NHSL2: variants seen among roughly 807,000 people sequenced by gnomAD.
The protein encoded by NHSL2 is NHS-like protein 2.
In NHSL2, 27 loss-of-function variants were observed where a neutral mutation model predicts 53.4. The observed-to-expected ratio is 0.51, with a 90% confidence interval of 0.37 to 0.70. NHSL2 has a LOEUF of 0.70. Among genes scored for constraint, NHSL2 ranks in the 30% least tolerant of loss-of-function variants. The probability of loss-of-function intolerance (pLI) is 0.00; values close to 1 mark genes in which losing one functional copy is unlikely to be tolerated. For synonymous variants in NHSL2, 408 were observed against 404.1 expected, an observed-to-expected ratio of 1.01 and a Z score of -0.12; for missense variants, 892 against 980.1, an observed-to-expected ratio of 0.91 and a Z score of 1.20.
At chrX:71,933,186 T>C (rs767346212) in intron 1 of NHSL2, among the ~76,000 whole-genome samples, 4 of 111,126 alleles carry the variant, frequency 3.6e-5, no homozygotes, top group Non-Finnish European at 5.7e-5. Flanking sequence ...CTGGATTTGT[T>C]GTTTGTGCAC....
rs1199253130 is a variant in NHSL2 at position 72,138,293 on chromosome X, C to T, written c.893-148C>T. The T allele has an allele frequency of 6.6e-6, 3 of 452,252 alleles. No homozygotes were observed. In the African/African-American group the frequency reaches 7.3e-5, roughly 11 times the overall value. 37.3% of individuals were successfully genotyped at this position (452,252 alleles called of 1,213,427 possible). ...ATGGGCAAGGACCCAATTTCCCCAG[C>T]ATCTTCATCCATGGAAGGGAAGAAC... On this transcript the variant is annotated intron_variant, in intron 5 of 7. Transcript: ENST00000633930.
At chrX:72,142,402 T>G in intron 7 of NHSL2, 38 bp downstream of exon 7, 1 of 1,031,370 alleles carries the variant, frequency 9.7e-7, no homozygotes, top group Non-Finnish European at 1.3e-6. Flanking sequence ...TGCAATTGCC[T>G]TCCCTTTTTG....
At chrX:72,084,137 C>G (rs1182030981) in intron 1 of NHSL2, among the ~76,000 whole-genome samples, 1 of 112,480 alleles carries the variant, frequency 8.9e-6, no homozygotes, top group Non-Finnish European at 1.9e-5. Flanking sequence ...ACATTCCCAT[C>G]ATTCACTTAC....
Position 72,140,237 on chromosome X carries a change from C to T in NHSL2, c.2689C>T (p.Leu897=). 1 of 1,210,137 alleles carries T rather than the reference C, an allele frequency of 8.3e-7. No homozygotes were observed. The highest frequency in any genetic ancestry group is 1.7e-5 in the African/African-American group (1 of 57,661). Residue 897 remains leucine, a synonymous_variant, in exon 6 of 8, where the codon CTA becomes TTA. Coordinates refer to ENST00000633930, the MANE Select transcript of NHSL2 (RefSeq NM_001013627.3). Reference sequence around the variant, plus strand: ...ACCATCTGTTCCTGAGGAGTATGCACTAACTTCACCAACCTTGGCTATGCC... The same window carrying T: ...ACCATCTGTTCCTGAGGAGTATGCATTAACTTCACCAACCTTGGCTATGCC... ...KPPSVPEEYA[L]TSPTLAMPPR...
At chrX:72,093,755 TTTCTTTCTTTC>T (rs1439512114) in intron 1 of NHSL2, among the ~76,000 whole-genome samples, 1 of 108,060 alleles carries the variant, frequency 9.3e-6, no homozygotes, top group Non-Finnish European at 1.9e-5. Context: ...TCTTTCTTTC[TTTCTTTCTTTC>T]TTTCTTTCTT....
At chrX:71,915,251 G>A (rs1337512727) in intron 1 of NHSL2, among the ~76,000 whole-genome samples, 2 of 112,154 alleles carry the variant, frequency 1.8e-5, no homozygotes, top group Admixed American at 9.4e-5. Context: ...GAAGATTCAA[G>A]TTATGGCTCT....
intron 1 of NHSL2, among the ~76,000 whole-genome samples, chrX:71,932,451 C>T (rs1403842803): frequency 9.0e-6 from 1 of 111,075 alleles, no homozygotes; most frequent in Non-Finnish European, 1.9e-5. Flanking sequence ...AATGCTCACT[C>T]TGGCTGCTGT....
At chrX:71,942,970 C>G (rs199589556) in intron 1 of NHSL2, among the ~76,000 whole-genome samples, 15 of 17,085 alleles carry the variant, frequency 8.8e-4, no homozygotes, top group African/African-American at 2.1e-3. Flanking sequence ...CTCTCTCTCT[C>G]TCTGTGTGTG....
chrX:72,062,818 T>C (rs2042406262), intron 1 of NHSL2, among the ~76,000 whole-genome samples: 1 of 112,622 alleles, frequency 8.9e-6, no homozygotes, highest in South Asian at 3.7e-4. Context: ...GTGTCCTCTG[T>C]AACCAGAATA....
Position 72,139,731 on chromosome X carries a change from T to C in NHSL2, c.2183T>C (p.Met728Thr), listed in dbSNP as rs1365804160. 2.1e-5 allele frequency: 25 copies of C among 1,208,480 alleles called. No individual in the cohort carries two copies. Among genetic ancestry groups the C allele is most frequent in the South Asian group, 8.8e-5 (5 of 56,675 alleles). ...QSETPTPTVS[M>T]SLTLGHLPPP... is the part of the protein sequence containing the mutation. ...GAAACACCAACACCCACTGTTTCCA[T>C]GTCCCTGACCCTGGGCCACTTACCC... The change falls in exon 6 of 8, where the codon ATG becomes ACG. Residue 728 changes from methionine (M) to threonine (T), a missense_variant. Met to Thr is a moderately conservative substitution (Grantham distance 81). Transcript: ENST00000633930.
intron 1 of NHSL2, among the ~76,000 whole-genome samples, chrX:71,970,039 C>T (rs1461500914): frequency 8.9e-6 from 1 of 111,865 alleles, no homozygotes; most frequent in African/African-American, 3.3e-5. Context: ...GTGGTTTTGG[C>T]CCTTTATTCT....
intron 1 of NHSL2, among the ~76,000 whole-genome samples, chrX:72,015,619 A>G (rs2042132546): frequency 8.9e-6 from 1 of 112,364 alleles, no homozygotes; most frequent in African/African-American, 3.2e-5. Context: ...GCAGTGTATG[A>G]GAGTAGCAGT....
chrX:71,988,781 C>T (rs2042014054), intron 1 of NHSL2, among the ~76,000 whole-genome samples: 1 of 111,171 alleles, frequency 9.0e-6, no homozygotes, highest in African/African-American at 3.3e-5. Context: ...GTTCTTGGAT[C>T]TCGCGCAAGA....
intron 1 of NHSL2, among the ~76,000 whole-genome samples, chrX:71,989,981 T>A (rs2042020343): frequency 8.9e-6 from 1 of 112,689 alleles, no homozygotes; most frequent in South Asian, 3.7e-4. Flanking sequence ...GCATGCTGCC[T>A]TTGATTTGAG....
rs377167137 is a variant in NHSL2, at chrX:72,140,419, T to A, written c.2871T>A (p.Asp957Glu). The A allele has an allele frequency of 2.1e-5, 25 of 1,208,218 alleles. No homozygotes were observed. In the African/African-American group the frequency reaches 3.9e-4, roughly 19 times the overall value. ...LVFTPFASSS[D>E]AFFSGTQQPP... ...TCACGCCTTTTGCCAGTTCCTCTGA[T>A]GCTTTCTTCTCAGGAACACAGCAGC... The change falls in exon 6 of 8, where the codon GAT (aspartate) becomes GAA (glutamate). Residue 957 changes from aspartate (D) to glutamate (E), a missense_variant. Asp to Glu is a conservative substitution (Grantham distance 45, BLOSUM62 2). Transcript: ENST00000633930.
Position 72,148,362 on chromosome X carries a change from G to T in NHSL2, c.*4788G>T, listed in dbSNP as rs1326310711. 2 of 111,310 alleles carry T rather than the reference G, an allele frequency of 1.8e-5. No individual in the cohort carries two copies. The highest frequency in any genetic ancestry group is 5.7e-4 in the East Asian group (2 of 3,529). The allele number at this position is 111,310 out of a possible 1,213,427, so 9.2% of individuals were successfully genotyped here. A position where few individuals can be genotyped will look rare whatever the true frequency, so the allele number is the denominator to read the frequency against. Reference sequence around the variant, plus strand: ...AATAAGCTTACCTTTACAAGCTTCTGCTTTCCCTGCTTCATCTCTGTTATG... The same window carrying T: ...AATAAGCTTACCTTTACAAGCTTCTTCTTTCCCTGCTTCATCTCTGTTATG... On this transcript the variant is annotated 3_prime_UTR_variant, in exon 8 of 8. Coordinates refer to ENST00000633930, the MANE Select transcript of NHSL2 (RefSeq NM_001013627.3).
At chrX:71,963,689 C>T (rs182622361) in intron 1 of NHSL2, among the ~76,000 whole-genome samples, 32 of 108,691 alleles carry the variant, frequency 2.9e-4, no homozygotes, top group African/African-American at 1.0e-3. Context: ...TTTGGGAGGC[C>T]GAGGTGGGAG....
intron 1 of NHSL2, among the ~76,000 whole-genome samples, chrX:72,022,766 C>T (rs1337646706): frequency 9.0e-6 from 1 of 111,667 alleles, no homozygotes; most frequent in African/African-American, 3.3e-5. Flanking sequence ...TCACAACTTT[C>T]CCAGCCCTGT....
chrX:72,099,295 G>A (rs2041971179), intron 1 of NHSL2, among the ~76,000 whole-genome samples: 1 of 107,217 alleles, frequency 9.3e-6, no homozygotes, highest in Non-Finnish European at 1.9e-5. Flanking sequence ...ACATAAGTTT[G>A]TTTTGAACTA....
Sources: allele counts gnomAD v4.1 joint callset (sites outside exome capture counted in the v4.1 genomes callset), GRCh38; gene constraint gnomAD v4.1.1; transcripts MANE v1.5; gene names NCBI Gene and HGNC (gene_info 2026-07-23, HGNC 2026-07-21).